Variants in PLEKHH2 observed in about 807,000 individuals in gnomAD.
The protein encoded by PLEKHH2 is pleckstrin homology, MyTH4 and FERM domain containing H2.
PLEKHH2 carries 129 observed loss-of-function variants against 187.9 expected under a neutral mutation model. The observed-to-expected ratio is 0.69, with a 90% CI of 0.59 to 0.79. The LOEUF is 0.79. Among genes scored for constraint, PLEKHH2 ranks in the 30% least tolerant of loss-of-function variants. The probability of loss-of-function intolerance (pLI) is 0.00; values close to 1 mark genes in which losing one functional copy is unlikely to be tolerated. For missense variants in PLEKHH2, 2,076 were observed against 1,751.2 expected (o/e 1.19, Z -3.31); for synonymous variants, 686 against 605.6 (o/e 1.13, Z -1.95).
At chr2:43,729,264 G>T (rs796398485) in intron 17 of PLEKHH2, among the ~76,000 whole-genome samples, 29 of 152,158 alleles carry the variant, frequency 1.9e-4, no homozygotes, top group African/African-American at 7.0e-4. Context: ...TAAATTTTCT[G>T]GATTTCCAAA....
At chr2:43,711,031 C>A in intron 14 of PLEKHH2, 1 of 992,158 alleles carries the variant, frequency 1.0e-6, no homozygotes, top group South Asian at 4.6e-5. Context: ...TATTGGTGAG[C>A]AGAGGGAGTG....
chr2:43,659,212 C>G (rs1666944949), intron 2 of PLEKHH2, among the ~76,000 whole-genome samples: 1 of 150,566 alleles, frequency 6.6e-6, no homozygotes, highest in African/African-American at 2.5e-5. Context: ...AGGCTGGTCT[C>G]AAACTCCTGG....
At chr2:43,744,766 G>A (rs1231691059) in intron 23 of PLEKHH2, among the ~76,000 whole-genome samples, 1 of 151,102 alleles carries the variant, frequency 6.6e-6, no homozygotes, top group African/African-American at 2.4e-5. Context: ...TACTCTGGAA[G>A]CTGAGGCACT....
chr2:43,750,354 C>G (rs1671958097), intron 24 of PLEKHH2, among the ~76,000 whole-genome samples: 1 of 152,164 alleles, frequency 6.6e-6, no homozygotes, highest in Non-Finnish European at 1.5e-5. Flanking sequence ...CGCCTGTAGT[C>G]CCGGCTACAT....
chr2:43,692,049 C>G (rs1207461318), intron 3 of PLEKHH2, among the ~76,000 whole-genome samples: 1 of 152,052 alleles, frequency 6.6e-6, no homozygotes, highest in Non-Finnish European at 1.5e-5. Context: ...TGTTTTCCCA[C>G]CCCCCTTTCC....
At chr2:43,667,411 A>T (rs1002293728) in intron 2 of PLEKHH2, among the ~76,000 whole-genome samples, 1 of 152,252 alleles carries the variant, frequency 6.6e-6, no homozygotes, top group Non-Finnish European at 1.5e-5. Flanking sequence ...TAGAGTTATT[A>T]TATGACCCAG....
Position 43,692,632 on chromosome 2 carries a change from T to C in PLEKHH2, c.305T>C (p.Ile102Thr). The change falls in exon 4 of 30, where the codon ATT (isoleucine) becomes ACT (threonine). Residue 102 changes from isoleucine to threonine, a missense_variant. Physicochemically the swap from Ile to Thr is moderately conservative, Grantham distance 89. Coordinates refer to ENST00000282406, the MANE Select transcript of PLEKHH2 (RefSeq NM_172069.4). ...ESLIQEKDDV[I>T]QNLELQLEEQ... ...CTAATACAGGAAAAAGATGACGTCA[T>C]TCAAAACTTGGAATTGCAACTTGAA... 6.2e-7 allele frequency: 1 copy of C among 1,613,328 alleles called. No individual in the cohort carries two copies. Among genetic ancestry groups the C allele is most frequent in the African/African-American group, 1.3e-5 (1 of 75,012 alleles).
chr2:43,712,882 C>G (rs1474899949), intron 15 of PLEKHH2, among the ~76,000 whole-genome samples: 1 of 151,966 alleles, frequency 6.6e-6, no homozygotes, highest in East Asian at 1.9e-4. Flanking sequence ...AGAGGTGGCA[C>G]TTTTTAAAAT....
Position 43,765,696 on chromosome 2 carries a change from A to C in PLEKHH2, c.*98A>C. The C allele has an allele frequency of 8.6e-7, 1 of 1,156,448 alleles. No homozygotes were observed. The highest frequency in any genetic ancestry group is 2.8e-5 in the Admixed American group (1 of 35,764). The allele number at this position is 1,156,448 out of a possible 1,614,324, so 71.6% of individuals were successfully genotyped here. A position where few individuals can be genotyped will look rare whatever the true frequency, so the allele number is the denominator to read the frequency against. On this transcript the variant is annotated 3_prime_UTR_variant, in exon 30 of 30. Coordinates refer to ENST00000282406, the MANE Select transcript of PLEKHH2 (RefSeq NM_172069.4). ...ACACCTGGCAGCACGGCAGCCACAC[A>C]CCGGTATTCCAAACCTTAACAATGA...
chr2:43,698,359 C>A (rs1669193557), intron 7 of PLEKHH2, among the ~76,000 whole-genome samples: 1 of 151,904 alleles, frequency 6.6e-6, no homozygotes, highest in South Asian at 2.1e-4. Context: ...GTGATCCTCC[C>A]ACCTCAGCAT....
In PLEKHH2 at chr2:43,767,473, C is replaced by G. The variant is rs1672662412; in HGVS notation, c.*1875C>G. On this transcript the variant is annotated 3_prime_UTR_variant, in exon 30 of 30. Transcript: ENST00000282406. ...TGTTTCCCCTACATCTTTTGAGCCA[C>G]AGTCGCCCATCGAATAAGCAAATTT... 1 of 151,942 alleles carries G rather than the reference C, an allele frequency of 6.6e-6. No individual in the cohort carries two copies. Among genetic ancestry groups the G allele is most frequent in the African/African-American group, 2.4e-5 (1 of 41,150 alleles). 9.4% of individuals were successfully genotyped at this position (151,942 alleles called of 1,614,324 possible). A position where few individuals can be genotyped will look rare whatever the true frequency, so the allele number is the denominator to read the frequency against.
intron 17 of PLEKHH2, among the ~76,000 whole-genome samples, chr2:43,727,707 A>T (rs990366478): frequency 5.9e-5 from 9 of 152,126 alleles, no homozygotes; most frequent in African/African-American, 2.2e-4. Flanking sequence ...GTGGGAGGTG[A>T]CCTTATTCCC....
rs1431562869 is a variant in PLEKHH2 at position 43,731,601 on chromosome 2, A to G, written c.2942A>G (p.Lys981Arg). 1.3e-6 allele frequency: 2 copies of G among 1,520,210 alleles called. No homozygotes were observed. Among genetic ancestry groups the G allele is most frequent in the Admixed American group, 3.6e-5 (2 of 55,930 alleles). 94.2% of individuals were successfully genotyped at this position (1,520,210 alleles called of 1,614,324 possible). Residue 981 changes from lysine (K) to arginine (R), a missense_variant and splice_region_variant, in exon 19 of 30, where the codon AAG becomes AGG. Transcript: ENST00000282406. ...CAGACAGAAGCTATTAAATTATTTA[A>G]GGTAAAATATTTATATGTTGTTAAA... ...ALQTEAIKLFKTCQLFINAAV... is the reference protein window; with the variant it reads ...ALQTEAIKLFRTCQLFINAAV...
At chr2:43,681,624 T>A in intron 3 of PLEKHH2, 1 of 683,312 alleles carries the variant, frequency 1.5e-6, no homozygotes, top group South Asian at 1.7e-5. Context: ...TATGACACAA[T>A]ATGCATTTTT....
chr2:43,672,339 T>C (rs1219153916), intron 2 of PLEKHH2, among the ~76,000 whole-genome samples: 5 of 152,204 alleles, frequency 3.3e-5, no homozygotes. Context: ...TTTGGTTTTA[T>C]TGATTTTTCT....
intron 3 of PLEKHH2, chr2:43,681,158 C>T (rs1285960218): frequency 1.4e-6 from 1 of 715,620 alleles, no homozygotes; most frequent in Middle Eastern, 3.5e-4. Context: ...TCTAATGCCA[C>T]TCAGAACATC....
At chr2:43,712,143 C>T (rs773757573) in intron 14 of PLEKHH2, 82 bp from the exon 15 acceptor site, 10 of 1,505,628 alleles carry the variant, frequency 6.6e-6, no homozygotes, top group South Asian at 1.2e-5. Context: ...TAAGTAATGA[C>T]GTTTGAATAA....
At chr2:43,646,713 T>G (rs1558409006) in intron 2 of PLEKHH2, among the ~76,000 whole-genome samples, 1 of 152,140 alleles carries the variant, frequency 6.6e-6, no homozygotes. Flanking sequence ...TTAATTTTTA[T>G]GCTATCAGAT....
At chr2:43,756,778 G>A (rs187308805) in intron 25 of PLEKHH2, among the ~76,000 whole-genome samples, 10 of 152,162 alleles carry the variant, frequency 6.6e-5, no homozygotes, top group Admixed American at 2.6e-4. Context: ...TGAAACCCCC[G>A]TCTCTACAAA....
Sources: gnomAD v4.1 joint callset for allele counts (sites outside exome capture counted in the v4.1 genomes callset) on GRCh38, gnomAD v4.1.1 for gene constraint, MANE v1.5 for transcripts, NCBI Gene and HGNC (gene_info 2026-07-23, HGNC 2026-07-21) for gene names.